Variants in OGDH observed in about 807,000 individuals in gnomAD.
OGDH encodes 2-oxoglutarate dehydrogenase complex component E1.
In OGDH, 38 loss-of-function variants were observed where a neutral mutation model predicts 116.6. That is an observed-to-expected ratio of 0.33 (90% confidence interval 0.25 to 0.43). The LOEUF (loss-of-function observed/expected upper bound fraction) is 0.43, where lower values mean the gene tolerates loss of function less well. OGDH is among the 20% of genes least tolerant of loss of function. The probability of loss-of-function intolerance (pLI) is 1.00; values close to 1 mark genes in which losing one functional copy is unlikely to be tolerated. For missense variants in OGDH, 825 were observed against 1,357.2 expected, an observed-to-expected ratio of 0.61 and a Z score of 6.16; for synonymous variants, 488 against 533.3, an observed-to-expected ratio of 0.92 and a Z score of 1.17.
intron 4 of OGDH, among the ~76,000 whole-genome samples, chr7:44,662,054 G>T (rs1343214026): frequency 6.6e-6 from 1 of 152,000 alleles, no homozygotes; most frequent in African/African-American, 2.4e-5. Context: ...TTACTGTCCT[G>T]CATTTATAAT....
At chr7:44,653,335 C>T (rs761575528) in intron 4 of OGDH, among the ~76,000 whole-genome samples, 49 of 152,142 alleles carry the variant, frequency 3.2e-4, no homozygotes, top group Non-Finnish European at 5.6e-4. Flanking sequence ...TCAAGTGAGT[C>T]GCCCGTCTCG....
At chr7:44,611,704 C>T (rs1320642021) in intron 1 of OGDH, among the ~76,000 whole-genome samples, 1 of 152,076 alleles carries the variant, frequency 6.6e-6, no homozygotes, top group Non-Finnish European at 1.5e-5. Flanking sequence ...AGCCACTGCG[C>T]CTGGCCACTT....
intron 1 of OGDH, among the ~76,000 whole-genome samples, chr7:44,610,723 C>T (rs1414473939): frequency 1.3e-5 from 2 of 152,090 alleles, no homozygotes; most frequent in Middle Eastern, 3.2e-3. Flanking sequence ...AAGCCTTTCT[C>T]AGCCTCCCAA....
chr7:44,653,295 G>A lies in OGDH; in HGVS notation c.517+5536G>A, dbSNP rs568200619. ...TTTAGTAGAGAAGGGGTTTCACTGT[G>A]TTGGTCAGGCTGGCCTTGAACTCCT... On this transcript the variant is annotated intron_variant, in intron 4 of 22. Coordinates refer to ENST00000222673, the MANE Select transcript of OGDH (RefSeq NM_002541.4). Among the ~76,000 whole-genome samples, 12 of 152,214 alleles carry A rather than the reference G, an allele frequency of 7.9e-5. No individual in the cohort carries two copies. The East Asian group carries it at 2.3e-3, about 29-fold the overall frequency.
intron 1 of OGDH, among the ~76,000 whole-genome samples, chr7:44,618,149 TTGAAA>T (rs1299478350): frequency 6.6e-6 from 1 of 152,238 alleles, no homozygotes; most frequent in Admixed American, 6.5e-5. Flanking sequence ...TTTTTGCATC[TTGAAA>T]TTAATGGATT....
At chr7:44,653,416 A>G (rs201149110) in intron 4 of OGDH, among the ~76,000 whole-genome samples, 2 of 151,374 alleles carry the variant, frequency 1.3e-5, no homozygotes, top group South Asian at 4.2e-4. Flanking sequence ...CAAGTGTAGC[A>G]TTCGAATTAG....
At position 44,697,284 on chromosome 7, in the gene OGDH, C is replaced by T. The variant is rs912672188; in HGVS notation, c.2052-86C>T. ...CAGAAGTCCAGGTCACAGAGCATGG[C>T]ATCTGCTGGTGCTTCGTGCGGGTCC... On this transcript the variant is annotated intron_variant, in intron 15 of 22. Transcript: ENST00000222673. This position sits in a 1 kb window ranked among gnomAD's most constrained non-coding sequence, Gnocchi z 6.0. 5.1e-6 allele frequency: 8 copies of T among 1,562,188 alleles called. No homozygotes were observed. The highest frequency in any genetic ancestry group is 1.3e-5 in the African/African-American group (1 of 74,270).
chr7:44,639,490 A>G (rs942270356), intron 2 of OGDH, among the ~76,000 whole-genome samples: 1 of 152,160 alleles, frequency 6.6e-6, no homozygotes, highest in African/African-American at 2.4e-5. Context: ...AATGACCTTC[A>G]TTTTCAAAGC....
intron 1 of OGDH, among the ~76,000 whole-genome samples, chr7:44,616,286 C>T (rs1320863068): frequency 6.6e-6 from 1 of 152,170 alleles, no homozygotes; most frequent in Non-Finnish European, 1.5e-5. Flanking sequence ...ACACCCTCCC[C>T]AGTCAACCTG....
chr7:44,678,073 G>C (rs1390688689), intron 9 of OGDH, among the ~76,000 whole-genome samples: 1 of 152,064 alleles, frequency 6.6e-6, no homozygotes, highest in African/African-American at 2.4e-5. Flanking sequence ...ATGACCCACA[G>C]GGACGCAGAG....
intron 9 of OGDH, 113 bp downstream of exon 9, chr7:44,676,262 A>G: frequency 6.3e-7 from 1 of 1,579,134 alleles, no homozygotes; most frequent in East Asian, 2.3e-5. Context: ...CTTTAAAAAA[A>G]TATTTAAAGT....
chr7:44,706,470 C>T (rs1398320275), intron 20 of OGDH, among the ~76,000 whole-genome samples: 7 of 151,896 alleles, frequency 4.6e-5, no homozygotes, highest in South Asian at 2.1e-4. Context: ...TACAGGCATG[C>T]GCCACCATGC....
chr7:44,676,610 GTGTGTATATATA>G (rs1225293150), intron 9 of OGDH: 4 of 140,816 alleles, frequency 2.8e-5, no homozygotes, highest in East Asian at 2.3e-4. Context: ...ATGTGTGTGT[GTGTGTATATATA>G]TATATATATA....
At position 44,694,418 on chromosome 7, in the gene OGDH, G is replaced by T. The variant is rs1286408033; in HGVS notation, c.1516-6G>T. On this transcript the variant is annotated splice_region_variant and splice_polypyrimidine_tract_variant and intron_variant, in intron 11 of 22. Coordinates refer to ENST00000222673, the MANE Select transcript of OGDH (RefSeq NM_002541.4). This position sits in a 1 kb window ranked among gnomAD's most constrained non-coding sequence, Gnocchi z 4.2. ...GTCTCTGACATCCTCTCACTGCTCT[G>T]AGCAGGTGTGTTACCGGCGCAACGG... is the stretch of plus-strand genomic sequence containing the variant. The T allele has an allele frequency of 5.0e-6, 8 of 1,613,736 alleles. No homozygotes were observed. The highest frequency in any genetic ancestry group is 5.9e-6 in the Non-Finnish European group (7 of 1,179,982).
intron 4 of OGDH, among the ~76,000 whole-genome samples, chr7:44,664,745 T>C (rs1787103799): frequency 6.6e-6 from 1 of 152,184 alleles, no homozygotes; most frequent in Non-Finnish European, 1.5e-5. Flanking sequence ...GGGAAGAATA[T>C]GTGTACTCCG....
intron 5 of OGDH, among the ~76,000 whole-genome samples, chr7:44,671,042 A>G (rs1020092375): frequency 1.3e-5 from 2 of 151,950 alleles, no homozygotes; most frequent in African/African-American, 4.8e-5. Flanking sequence ...AAGAAAAAAA[A>G]GAAAATATGG....
chr7:44,614,170 T>C (rs1219322601), intron 1 of OGDH, among the ~76,000 whole-genome samples: 1 of 151,908 alleles, frequency 6.6e-6, no homozygotes, highest in Non-Finnish European at 1.5e-5. Flanking sequence ...CCAAGGCTGG[T>C]CTCAAACCCC....
At chr7:44,625,757 C>T (rs1478894829) in intron 2 of OGDH, among the ~76,000 whole-genome samples, 1 of 152,180 alleles carries the variant, frequency 6.6e-6, no homozygotes, top group Non-Finnish European at 1.5e-5. Context: ...AGTCTGCTTC[C>T]ACTGGGCTCC....
Position 44,645,526 on chromosome 7 carries a change from G to A in OGDH, c.414+8G>A, listed in dbSNP as rs771202713. On this transcript the variant is annotated splice_region_variant and intron_variant, in intron 3 of 22. Coordinates refer to ENST00000222673, the MANE Select transcript of OGDH (RefSeq NM_002541.4). Reference sequence around the variant, plus strand: ...CTCATCAGGGCATATCAGGTAAGGCGGGTGCTTTACCCGCACACGGGAAAG... The same window carrying A: ...CTCATCAGGGCATATCAGGTAAGGCAGGTGCTTTACCCGCACACGGGAAAG... 16 of 1,612,860 alleles carry A rather than the reference G, an allele frequency of 9.9e-6. No homozygotes were observed. In the Middle Eastern group the frequency reaches 5.0e-4, roughly 50 times the overall value.
Sources: allele counts gnomAD v4.1 joint callset (sites outside exome capture counted in the v4.1 genomes callset), GRCh38; gene constraint gnomAD v4.1.1; non-coding constraint Gnocchi (gnomAD v3.1); transcripts MANE v1.5; gene names NCBI Gene and HGNC (gene_info 2026-07-23, HGNC 2026-07-21).